Variants in GAB1 observed in about 807,000 individuals in gnomAD.
GAB1 encodes the protein GRB2-associated-binding protein 1.
In GAB1, 19 loss-of-function variants were observed where a neutral mutation model predicts 66.5. That is an observed-to-expected ratio of 0.29 (90% CI 0.20 to 0.42). GAB1 has a LOEUF of 0.42. GAB1 is among the 10% of genes least tolerant of loss of function. GAB1 has a pLI of 1.00. For missense variants in GAB1, 732 were observed against 858.5 expected, an observed-to-expected ratio of 0.85 and a Z score of 1.84; for synonymous variants, 294 against 301.4, an observed-to-expected ratio of 0.98 and a Z score of 0.25.
intron 1 of GAB1, among the ~76,000 whole-genome samples, chr4:143,348,441 T>C (rs1560711923): frequency 1.3e-5 from 2 of 152,370 alleles, no homozygotes; most frequent in East Asian, 3.9e-4. Flanking sequence ...AGGTTTTCTT[T>C]GACTTTTCTC....
At chr4:143,370,963 G>A (rs1419422396) in intron 1 of GAB1, among the ~76,000 whole-genome samples, 1 of 152,202 alleles carries the variant, frequency 6.6e-6, no homozygotes, top group East Asian at 1.9e-4. Flanking sequence ...GGACATTTGG[G>A]TTGGTTCCAA....
intron 1 of GAB1, among the ~76,000 whole-genome samples, chr4:143,367,833 T>G (rs1729953884): frequency 6.6e-6 from 1 of 150,934 alleles, no homozygotes; most frequent in Non-Finnish European, 1.5e-5. Context: ...CAAATAATTC[T>G]CATGCCTCAG....
intron 1 of GAB1, among the ~76,000 whole-genome samples, chr4:143,359,264 T>A (rs1729566325): frequency 6.6e-6 from 1 of 152,006 alleles, no homozygotes; most frequent in Non-Finnish European, 1.5e-5. Context: ...CTCATCCAGA[T>A]GAGATGTAGC....
intron 1 of GAB1, among the ~76,000 whole-genome samples, chr4:143,391,832 A>T (rs1030883643): frequency 1.3e-5 from 2 of 152,172 alleles, no homozygotes; most frequent in Non-Finnish European, 2.9e-5. Context: ...TTCTCAGCAG[A>T]AGAAATGCCC....
intron 6 of GAB1, among the ~76,000 whole-genome samples, chr4:143,443,831 A>C (rs1276823983): frequency 6.6e-6 from 1 of 152,182 alleles, no homozygotes; most frequent in African/African-American, 2.4e-5. Context: ...TGTAGTTTGC[A>C]TACAGATGAG....
intron 9 of GAB1, among the ~76,000 whole-genome samples, chr4:143,467,621 T>C (rs1735861692): frequency 6.6e-6 from 1 of 152,222 alleles, no homozygotes; most frequent in Admixed American, 6.5e-5. Context: ...GTGTTTTATA[T>C]ATTTTTATTG....
chr4:143,455,239 G>A (rs1057468461), intron 6 of GAB1, among the ~76,000 whole-genome samples: 3 of 152,118 alleles, frequency 2.0e-5, no homozygotes, highest in African/African-American at 4.8e-5. Flanking sequence ...TCCAGGATAC[G>A]GTGTCATTAC....
At chr4:143,392,704 T>G (rs925016358) in intron 1 of GAB1, among the ~76,000 whole-genome samples, 3 of 152,158 alleles carry the variant, frequency 2.0e-5, no homozygotes. Flanking sequence ...ATAATGAATA[T>G]TTTGATAATG....
chr4:143,409,394 C>G (rs192949796), intron 1 of GAB1, among the ~76,000 whole-genome samples: 24 of 149,710 alleles, frequency 1.6e-4, no homozygotes, highest in East Asian at 3.9e-4. Context: ...TTTCCCCCCC[C>G]CCGCTCTGAA....
chr4:143,431,751 C>T (rs540116798), intron 2 of GAB1, among the ~76,000 whole-genome samples: 13 of 152,248 alleles, frequency 8.5e-5, no homozygotes, highest in Non-Finnish European at 1.0e-4. Flanking sequence ...GGTCACACTT[C>T]CAAGGACGTA....
At chr4:143,430,992 C>T (rs1160277561) in intron 2 of GAB1, among the ~76,000 whole-genome samples, 1 of 152,168 alleles carries the variant, frequency 6.6e-6, no homozygotes, top group Non-Finnish European at 1.5e-5. Context: ...ATTAAAGTCA[C>T]GTGAACTAAA....
chr4:143,465,871 A>G (rs1735754110), intron 8 of GAB1: 1 of 329,608 alleles, frequency 3.0e-6, no homozygotes, highest in Admixed American at 4.6e-5. Context: ...CTGATGTCTC[A>G]ATCTTAGTGT....
intron 6 of GAB1, 40 bp downstream of exon 6, chr4:143,440,422 C>A (rs1432061973): frequency 3.3e-6 from 5 of 1,516,330 alleles, no homozygotes; most frequent in South Asian, 1.3e-5. Flanking sequence ...TGGGGAGTGC[C>A]AAGTTAGATC....
intron 1 of GAB1, among the ~76,000 whole-genome samples, chr4:143,405,836 G>T (rs996039341): frequency 3.9e-5 from 6 of 152,088 alleles, no homozygotes; most frequent in South Asian, 2.1e-4. Context: ...AGAATTTGCA[G>T]AAAGAAAGGT....
intron 1 of GAB1, chr4:143,395,630 C>G: frequency 3.6e-6 from 1 of 274,956 alleles, no homozygotes; most frequent in Non-Finnish European, 7.2e-6. Context: ...AGTTGTAACT[C>G]TCCCTAAAAT....
intron 1 of GAB1, among the ~76,000 whole-genome samples, chr4:143,403,432 G>A (rs1454040029): frequency 6.6e-6 from 1 of 152,200 alleles, no homozygotes; most frequent in African/African-American, 2.4e-5. Context: ...AAAAAAGAAA[G>A]CTGGGCTCAT....
At chr4:143,384,723 G>T (rs1406326992) in intron 1 of GAB1, among the ~76,000 whole-genome samples, 1 of 152,214 alleles carries the variant, frequency 6.6e-6, no homozygotes, top group Non-Finnish European at 1.5e-5. Context: ...GTCTGGTGTA[G>T]CAAGTGTCCA....
At chr4:143,439,699 G>T in intron 4 of GAB1, 103 bp from the exon 5 acceptor site, 1 of 739,680 alleles carries the variant, frequency 1.4e-6, no homozygotes, top group South Asian at 1.6e-5. Context: ...GTGTGCATGT[G>T]TGTATGCATA....
At chr4:143,364,001 A>C (rs1729768881) in intron 1 of GAB1, among the ~76,000 whole-genome samples, 1 of 152,130 alleles carries the variant, frequency 6.6e-6, no homozygotes, top group South Asian at 2.1e-4. Context: ...CAGTGTGGCC[A>C]ACAGGGTGAA....
Sources: gnomAD v4.1 joint callset for allele counts (sites outside exome capture counted in the v4.1 genomes callset) on GRCh38, gnomAD v4.1.1 for gene constraint, MANE v1.5 for transcripts, NCBI Gene and HGNC (gene_info 2026-07-23, HGNC 2026-07-21) for gene names.